The following LHCGR variants were observed in gnomAD, a reference collection of about 807,000 sequenced individuals.
The protein encoded by LHCGR is luteinizing hormone/choriogonadotropin receptor, also known as lutropin-choriogonadotropic hormone receptor.
Under a neutral mutation model 60.7 loss-of-function variants are expected in LHCGR, and 55 were observed. That is an observed-to-expected ratio of 0.91 (90% CI 0.73 to 1.13). The LOEUF is 1.13. Ranked by LOEUF, LHCGR falls within the 50% of genes most tolerant of loss-of-function variation. The probability of loss-of-function intolerance (pLI) is 0.00; values close to 1 mark genes in which losing one functional copy is unlikely to be tolerated. For synonymous variants in LHCGR, 337 were observed against 316.5 expected (o/e 1.06, Z -0.69); for missense variants, 862 against 836.0 (o/e 1.03, Z -0.38).
At chr2:48,702,277 T>A (rs552116124) in intron 8 of LHCGR, among the ~76,000 whole-genome samples, 309 of 149,546 alleles carry the variant, frequency 2.1e-3, no homozygotes, top group African/African-American at 6.6e-3. Flanking sequence ...TTTTTTTTTT[T>A]AAATACTTTA....
intron 8 of LHCGR, among the ~76,000 whole-genome samples, chr2:48,706,568 C>T (rs1667687059): frequency 6.6e-6 from 1 of 152,206 alleles, no homozygotes; most frequent in Non-Finnish European, 1.5e-5. Context: ...TCCCATATTT[C>T]TTGAGACCTT....
chr2:48,690,534 G>A (rs574295944), intron 10 of LHCGR, among the ~76,000 whole-genome samples: 12 of 152,276 alleles, frequency 7.9e-5, no homozygotes, highest in African/African-American at 2.6e-4. Context: ...ATTAGCTCTT[G>A]CAGATCCCTT....
At chr2:48,728,266 C>T (rs72807949) in intron 3 of LHCGR, among the ~76,000 whole-genome samples, 22,961 of 151,874 alleles carry the variant, frequency 0.15, 2,395 homozygotes, top group East Asian at 0.42. Flanking sequence ...TTCCCCTGGA[C>T]GAAAGGGATA....
At chr2:48,709,741 CAA>C (rs1667884952) in intron 7 of LHCGR, among the ~76,000 whole-genome samples, 1 of 152,192 alleles carries the variant, frequency 6.6e-6, no homozygotes, top group African/African-American at 2.4e-5. Flanking sequence ...GCCTTGAGCT[CAA>C]AGTCATTCAG....
intron 4 of LHCGR, among the ~76,000 whole-genome samples, chr2:48,724,442 G>C (rs74655307): frequency 6.6e-6 from 1 of 152,152 alleles, no homozygotes; most frequent in Admixed American, 6.5e-5. Context: ...TGAACTGTCT[G>C]TCACCCTCGT....
intron 3 of LHCGR, among the ~76,000 whole-genome samples, chr2:48,726,633 A>G (rs1208174445): frequency 6.6e-6 from 1 of 152,244 alleles, no homozygotes; most frequent in African/African-American, 2.4e-5. Context: ...CACCTGAGGA[A>G]ATAATAATTA....
At chr2:48,751,258 T>C (rs536660750) in intron 1 of LHCGR, among the ~76,000 whole-genome samples, 1 of 152,232 alleles carries the variant, frequency 6.6e-6, no homozygotes, top group East Asian at 1.9e-4. Context: ...TTGGGATTTT[T>C]TTTTCTTTTT....
At chr2:48,729,737 C>T (rs1381563911) in intron 2 of LHCGR, among the ~76,000 whole-genome samples, 6 of 152,130 alleles carry the variant, frequency 3.9e-5, no homozygotes, top group African/African-American at 9.7e-5. Flanking sequence ...GTGCTGAGGC[C>T]GTTGCAAGGT....
At position 48,723,688 on chromosome 2, in the gene LHCGR, C is replaced by G. The variant is rs1228479972; in HGVS notation, c.392G>C (p.Cys131Ser). ...NLPRLKYLSICNTGIRKFPDV... is the reference protein window; with the variant it reads ...NLPRLKYLSISNTGIRKFPDV... Reference sequence around the variant, plus strand: ...TGGAAACTTTCTGATGCCTGTGTTACAGATGCTCCTGTGATTAGGGACAGG... The same window carrying G: ...TGGAAACTTTCTGATGCCTGTGTTAGAGATGCTCCTGTGATTAGGGACAGG... Residue 131 changes from cysteine to serine, a missense_variant, in exon 5 of 11, where the codon TGT (cysteine) becomes TCT (serine). Physicochemically the swap from Cys to Ser is moderately radical, Grantham distance 112. Coordinates refer to ENST00000294954, the MANE Select transcript of LHCGR (RefSeq NM_000233.4). 1 of 1,612,834 alleles carries G rather than the reference C, an allele frequency of 6.2e-7. No individual in the cohort carries two copies. Among genetic ancestry groups the G allele is most frequent in the Non-Finnish European group, 8.5e-7 (1 of 1,178,840 alleles).
At chr2:48,740,009 C>T (rs1011629721) in intron 1 of LHCGR, among the ~76,000 whole-genome samples, 6 of 152,158 alleles carry the variant, frequency 3.9e-5, no homozygotes, top group Non-Finnish European at 8.8e-5. Flanking sequence ...TGAAGCAGGG[C>T]GAGGCATCAC....
chr2:48,742,207 C>G (rs1242019205), intron 1 of LHCGR, among the ~76,000 whole-genome samples: 2 of 151,926 alleles, frequency 1.3e-5, no homozygotes, highest in Middle Eastern at 3.2e-3. Flanking sequence ...CCTGAGTGAC[C>G]TACAAAGAGA....
At chr2:48,713,838 TG>T (rs1382778518) in intron 7 of LHCGR, 147 bp downstream of exon 7, 2 of 716,106 alleles carry the variant, frequency 2.8e-6, no homozygotes, top group Admixed American at 4.0e-5. Flanking sequence ...GCCAGCCAGT[TG>T]CCTAGTAACA....
intron 10 of LHCGR, among the ~76,000 whole-genome samples, chr2:48,691,760 C>T (rs955040301): frequency 3.3e-5 from 5 of 150,078 alleles, no homozygotes; most frequent in South Asian, 2.1e-4. Context: ...GCAGGAGAAT[C>T]GCTTGAACTC....
intron 2 of LHCGR, 141 bp from the exon 3 acceptor site, chr2:48,729,368 C>T (rs1668885895): frequency 2.8e-6 from 2 of 723,134 alleles, no homozygotes; most frequent in East Asian, 5.3e-5. Flanking sequence ...TGCAAGTTGT[C>T]CCCAAATCAT....
chr2:48,714,352 C>T (rs1226760676), intron 6 of LHCGR, among the ~76,000 whole-genome samples: 2 of 152,166 alleles, frequency 1.3e-5, no homozygotes, highest in African/African-American at 2.4e-5. Context: ...AAAACAGTGG[C>T]ATAGCTGGGA....
chr2:48,715,892 C>T (rs529825960), intron 6 of LHCGR, among the ~76,000 whole-genome samples: 71 of 152,294 alleles, frequency 4.7e-4, no homozygotes, highest in Non-Finnish European at 1.0e-4. Context: ...TAATTCATTT[C>T]TTAAACTCCT....
intron 1 of LHCGR, among the ~76,000 whole-genome samples, chr2:48,753,949 C>G (rs910916912): frequency 6.6e-5 from 10 of 152,162 alleles, no homozygotes; most frequent in African/African-American, 1.7e-4. Context: ...TATTCCTTCT[C>G]CTTGGATCTC....
intron 6 of LHCGR, chr2:48,721,800 G>A (rs1301567634): frequency 2.1e-6 from 1 of 471,086 alleles, no homozygotes; most frequent in Admixed American, 2.4e-5. Context: ...AGCAGAAAGA[G>A]TGAGAGGGAT....
At chr2:48,732,992 A>G (rs1296386279) in intron 1 of LHCGR, 1 of 523,100 alleles carries the variant, frequency 1.9e-6, no homozygotes, top group East Asian at 5.5e-5. Flanking sequence ...GTGATGGCAT[A>G]TTTGCTTCCT....
Sources: allele counts gnomAD v4.1 joint callset (sites outside exome capture counted in the v4.1 genomes callset), GRCh38; gene constraint gnomAD v4.1.1; transcripts MANE v1.5; gene names NCBI Gene and HGNC (gene_info 2026-07-23, HGNC 2026-07-21).